EPHA2: variants seen among roughly 807,000 people sequenced by gnomAD.
EPHA2 encodes the protein ephrin type-A receptor 2.
In EPHA2, 54 loss-of-function variants were observed where a neutral mutation model predicts 104.9. The observed-to-expected ratio is 0.51, with a 90% CI of 0.41 to 0.65. EPHA2 has a LOEUF of 0.65. Among genes scored for constraint, EPHA2 ranks in the 30% least tolerant of loss-of-function variants. EPHA2 has a pLI of 0.00. For synonymous variants in EPHA2, 560 were observed against 559.1 expected (o/e 1.00, Z -0.02); for missense variants, 1,117 against 1,369.5 (o/e 0.82, Z 2.91).
intron 3 of EPHA2, among the ~76,000 whole-genome samples, chr1:16,142,583 AG>A (rs1212167193): frequency 4.4e-5 from 6 of 135,090 alleles, no homozygotes; most frequent in African/African-American, 1.1e-4. Flanking sequence ...GGATGGGTGG[AG>A]GGGGGTATGA....
rs1272914720 is a variant in EPHA2, at chr1:16,130,628, G to T, written c.2476-209C>A. ...GTCTGTGTCCAGAGTTCACTGGAAG[G>T]GACTTTTTTTTTTTTGACTGAGACA... On this transcript the variant is annotated intron_variant, in intron 14 of 16. Coordinates refer to ENST00000358432, the MANE Select transcript of EPHA2 (RefSeq NM_004431.5). The surrounding 1 kb of genome is among the most constrained non-coding windows in gnomAD (Gnocchi z 4.5). 1.3e-5 allele frequency among the ~76,000 whole-genome samples: 2 copies of T among 151,568 alleles called. No homozygotes were observed. The highest frequency in any genetic ancestry group is 3.9e-4 in the East Asian group (2 of 5,162).
At chr1:16,143,300 C>G (rs904450409) in intron 3 of EPHA2, among the ~76,000 whole-genome samples, 1 of 151,814 alleles carries the variant, frequency 6.6e-6, no homozygotes, top group African/African-American at 2.4e-5. Context: ...GGGTGGCAAA[C>G]CTACCATGTG....
rs2124211395 is a variant in EPHA2, at chr1:16,134,555, G to A, written c.1595C>T (p.Ser532Phe). 6.2e-7 allele frequency: 1 copy of A among 1,614,110 alleles called. No homozygotes were observed. Among genetic ancestry groups the A allele is most frequent in the Non-Finnish European group, 8.5e-7 (1 of 1,180,000 alleles). Residue 532 changes from serine to phenylalanine, a missense_variant, in exon 8 of 17, where the codon TCT becomes TTT. Ser to Phe is a radical substitution (Grantham distance 155). Transcript: ENST00000358432. This position sits in a 1 kb window ranked among gnomAD's most constrained non-coding sequence, Gnocchi z 4.5. ...GCCGCCAATCACCGCCAAGTTGCCA[G>A]ATCCCTCCGGGGCTGGTGGAAGAAA... ...HEFQTLSPEG[S>F]GNLAVIGGVA...
At chr1:16,145,650 A>C (rs1298520641) in intron 3 of EPHA2, among the ~76,000 whole-genome samples, 3 of 152,014 alleles carry the variant, frequency 2.0e-5, no homozygotes, top group Non-Finnish European at 4.4e-5. Context: ...TGCCCTCTCC[A>C]GGACCCCTGC....
intron 16 of EPHA2, among the ~76,000 whole-genome samples, chr1:16,129,026 A>G (rs1459332295): frequency 6.6e-6 from 1 of 151,318 alleles, no homozygotes. Flanking sequence ...TCTCCCCCTC[A>G]TGGCTGTGGG....
At chr1:16,138,866 C>T (rs1004517392) in intron 3 of EPHA2, among the ~76,000 whole-genome samples, 1 of 152,190 alleles carries the variant, frequency 6.6e-6, no homozygotes, top group Non-Finnish European at 1.5e-5. Context: ...CTGCCCAGGG[C>T]AATGACTGCC....
chr1:16,135,662 C>T lies in EPHA2; in HGVS notation c.1421G>A (p.Arg474His), dbSNP rs988452109. The T allele has an allele frequency of 1.7e-5, 27 of 1,613,758 alleles. No homozygotes were observed. The highest frequency in any genetic ancestry group is 3.3e-5 in the South Asian group (3 of 91,086). ...SRVWKYEVTY[R>H]KKGDSNSYNV... is the part of the protein sequence containing the mutation. ...CGCCCCTCTGGGAGTTACCTTCTTG[C>T]GGTAAGTGACCTCGTACTTCCACAC... The change falls in exon 6 of 17, where the codon CGC becomes CAC. Residue 474 changes from arginine to histidine, a missense_variant. Around this residue, in one of 3 missense-constraint regions of EPHA2, gnomAD observed 664 missense variants for 784.8 expected, o/e 0.85. Coordinates refer to ENST00000358432, the MANE Select transcript of EPHA2 (RefSeq NM_004431.5). The surrounding 1 kb of genome is among the most constrained non-coding windows in gnomAD (Gnocchi z 4.3).
At chr1:16,144,229 A>G (rs2024885870) in intron 3 of EPHA2, among the ~76,000 whole-genome samples, 1 of 152,172 alleles carries the variant, frequency 6.6e-6, no homozygotes, top group Admixed American at 6.5e-5. Context: ...AGGGTGGGGC[A>G]GACAGGGCAC....
At position 16,133,310 on chromosome 1, in the gene EPHA2, C is replaced by T; in HGVS notation, c.1923G>A (p.Val641=). The T allele has an allele frequency of 1.2e-6, 2 of 1,613,874 alleles. No homozygotes were observed. The highest frequency in any genetic ancestry group is 1.7e-6 in the Non-Finnish European group (2 of 1,179,950). The change falls in exon 11 of 17, where the codon GTG becomes GTA. Residue 641 remains valine (V), a synonymous_variant. Transcript: ENST00000358432. ...CTTTCAGCGTCTTGATGGCCACCGG[C>T]ACCTCCTTCTTCCCCGAGGATGTCT... ...MLKTSSGKKE[V]PVAIKTLKAG...
chr1:16,145,278 G>A (rs893349563), intron 3 of EPHA2, among the ~76,000 whole-genome samples: 15 of 152,204 alleles, frequency 9.9e-5, no homozygotes, highest in African/African-American at 3.4e-4. Flanking sequence ...AGGCAGGGCC[G>A]GGGGCAGGGC....
rs376937559 is a variant in EPHA2 at position 16,133,326 on chromosome 1, G to A, written c.1907C>T (p.Ser636Leu). The A allele has an allele frequency of 3.5e-5, 57 of 1,613,654 alleles. No individual in the cohort carries two copies. Among genetic ancestry groups the A allele is most frequent in the East Asian group, 1.6e-4 (7 of 44,892 alleles). ...EVYKGMLKTS[S>L]GKKEVPVAIK... ...GGCCACCGGCACCTCCTTCTTCCCC[G>A]AGGATGTCTTCAGCATGCCCTTGTA... The change falls in exon 11 of 17, where the codon TCG (serine) becomes TTG (leucine). Residue 636 changes from serine (S) to leucine (L), a missense_variant. By Grantham distance (145) the Ser-to-Leu change is moderately radical. Around this residue, in one of 3 missense-constraint regions of EPHA2, gnomAD observed 113 missense variants for 104.3 expected, o/e 1.08. Transcript: ENST00000358432.
At chr1:16,136,304 A>C (rs1483629113) in intron 5 of EPHA2, among the ~76,000 whole-genome samples, 3 of 5,574 alleles carry the variant, frequency 5.4e-4, no homozygotes, top group African/African-American at 7.2e-4. Context: ...CGAGTGCATA[A>C]ATAATAATAA....
rs1300325352 is a variant in EPHA2, at chr1:16,138,372, A to T, written c.882T>A (p.Pro294=). Reference sequence around the variant, plus strand: ...CCTCAGGGGATGGCAGCGTGTGCTCAGGGCACTCCAAGCAGGGGCTCTCAG... The same window carrying T: ...CCTCAGGGGATGGCAGCGTGTGCTCTGGGCACTCCAAGCAGGGGCTCTCAG... ...EASESPCLEC[P]EHTLPSPEGA... is the part of the protein sequence containing the mutation. Residue 294 remains proline (P), a synonymous_variant, in exon 4 of 17, where the codon CCT becomes CCA. Coordinates refer to ENST00000358432, the MANE Select transcript of EPHA2 (RefSeq NM_004431.5). 2.5e-6 allele frequency: 4 copies of T among 1,613,786 alleles called. No individual in the cohort carries two copies. Among genetic ancestry groups the T allele is most frequent in the Non-Finnish European group, 3.4e-6 (4 of 1,179,990 alleles).
chr1:16,126,713 A>G (rs2024475501), intron 16 of EPHA2, among the ~76,000 whole-genome samples: 1 of 152,152 alleles, frequency 6.6e-6, no homozygotes, highest in Non-Finnish European at 1.5e-5. Context: ...CCCCGGCCTG[A>G]CCCCAGATTC....
chr1:16,132,104 C>A lies in EPHA2; in HGVS notation c.2285G>T (p.Arg762Leu). The A allele has an allele frequency of 1.2e-6, 2 of 1,614,056 alleles. No homozygotes were observed. Among genetic ancestry groups the A allele is most frequent in the South Asian group, 1.1e-5 (1 of 91,076 alleles). ...GGCCTCGGGGTCGTCCTCCAGCACG[C>A]GGGACAGGCCAAAGTCAGACACCTT... ...VCKVSDFGLS[R>L]VLEDDPEATY... The change falls in exon 13 of 17, where the codon CGC (arginine) becomes CTC (leucine). Residue 762 changes from arginine (R) to leucine (L), a missense_variant. Transcript: ENST00000358432.
In EPHA2 at chr1:16,131,850, G is replaced by T. The variant is rs1460528382; in HGVS notation, c.2346C>A (p.Arg782=). 3.1e-6 allele frequency: 5 copies of T among 1,613,942 alleles called. No individual in the cohort carries two copies. The highest frequency in any genetic ancestry group is 1.1e-5 in the South Asian group (1 of 91,078). ...YTTSGGKIPI[R]WTAPEAISYR... ...AGGAAATGGCCTCCGGGGCGGTCCA[G>T]CGGATGGGGATCTTGCCGCCCTGCA... Residue 782 remains arginine (R), a synonymous_variant, in exon 14 of 17, where the codon CGC becomes CGA. Transcript: ENST00000358432. The surrounding 1 kb of genome is among the most constrained non-coding windows in gnomAD (Gnocchi z 5.2).
Position 16,133,846 on chromosome 1 carries a change from G to A in EPHA2, c.1738+14C>T. On this transcript the variant is annotated intron_variant, in intron 9 of 16. Transcript: ENST00000358432. ...GCGGGCAGGGCTGGGCCTGGAGCGG[G>A]GGCTGCGTCTCACCTGACTTGGAGA... 1 of 1,543,002 alleles carries A rather than the reference G, an allele frequency of 6.5e-7. No individual in the cohort carries two copies. The highest frequency in any genetic ancestry group is 1.2e-5 in the South Asian group (1 of 82,902).
intron 3 of EPHA2, among the ~76,000 whole-genome samples, chr1:16,147,039 G>T (rs929121578): frequency 1.4e-4 from 21 of 152,188 alleles, no homozygotes; most frequent in African/African-American, 4.8e-4. Context: ...CCCTCCAAAG[G>T]TTGGCCTGCA....
Position 16,128,921 on chromosome 1 carries a change from C to T in EPHA2, c.2825+513G>A, listed in dbSNP as rs2024519326. ...CTGCCCCAAACTGGCTGTGTGACCT[C>T]AGGCAAGCCGGTAACATCTCAGCCT... On this transcript the variant is annotated intron_variant, in intron 16 of 16. Transcript: ENST00000358432. The surrounding 1 kb of genome is among the most constrained non-coding windows in gnomAD (Gnocchi z 4.7). Among the ~76,000 whole-genome samples the T allele has an allele frequency of 6.6e-6, 1 of 152,008 alleles. No individual in the cohort carries two copies. Among genetic ancestry groups the T allele is most frequent in the African/African-American group, 2.4e-5 (1 of 41,380 alleles).
Sources: allele counts gnomAD v4.1 joint callset (sites outside exome capture counted in the v4.1 genomes callset), GRCh38; gene constraint gnomAD v4.1.1; regional missense constraint gnomAD v4.1.1; non-coding constraint Gnocchi (gnomAD v3.1); transcripts MANE v1.5; gene names NCBI Gene and HGNC (gene_info 2026-07-23, HGNC 2026-07-21).